KCNB2: variants seen among roughly 807,000 people sequenced by gnomAD.
KCNB2 encodes delayed rectifier potassium channel protein.
A neutral mutation model predicts 61.5 loss-of-function variants in KCNB2; 15 were observed. That is an observed-to-expected ratio of 0.24 (90% CI 0.16 to 0.38). KCNB2 has a LOEUF of 0.38. KCNB2 is among the 10% of genes least tolerant of loss of function. The pLI, the probability that KCNB2 is intolerant of heterozygous loss-of-function variation, is 1.00. For synonymous variants in KCNB2, 457 were observed against 446.0 expected (o/e 1.02, Z -0.31); for missense variants, 828 against 1,125.2 (o/e 0.74, Z 3.78).
chr8:72,866,876 G>A (rs1805530102), intron 2 of KCNB2, among the ~76,000 whole-genome samples: 1 of 152,170 alleles, frequency 6.6e-6, no homozygotes, highest in Admixed American at 6.5e-5. Flanking sequence ...AGGTGGAAGT[G>A]TCAGCCTCTC....
intron 2 of KCNB2, among the ~76,000 whole-genome samples, chr8:72,931,845 G>A (rs186074320): frequency 2.4e-4 from 36 of 152,050 alleles, no homozygotes; most frequent in African/African-American, 6.5e-4. Flanking sequence ...AAACGCTGTC[G>A]CTACTAAAAA....
intron 2 of KCNB2, among the ~76,000 whole-genome samples, chr8:72,689,830 A>G (rs1806912541): frequency 1.3e-5 from 2 of 152,088 alleles, no homozygotes; most frequent in Non-Finnish European, 2.9e-5. Flanking sequence ...TTTTTGTGCT[A>G]AGAACTTTGG....
intron 2 of KCNB2, among the ~76,000 whole-genome samples, chr8:72,733,543 A>T (rs1047940304): frequency 6.6e-6 from 1 of 152,176 alleles, no homozygotes; most frequent in African/African-American, 2.4e-5. Flanking sequence ...TCATTTCCTC[A>T]TCTGTAAAGC....
intron 1 of KCNB2, among the ~76,000 whole-genome samples, chr8:72,567,190 A>G (rs567500450): frequency 6.6e-6 from 1 of 152,018 alleles, no homozygotes; most frequent in South Asian, 2.1e-4. Flanking sequence ...GTGTGGTGGC[A>G]CGTCCCAGGT....
At chr8:72,658,770 G>A (rs1302725477) in intron 2 of KCNB2, among the ~76,000 whole-genome samples, 4 of 152,202 alleles carry the variant, frequency 2.6e-5, no homozygotes, top group African/African-American at 7.2e-5. Context: ...CTTTAAGCAT[G>A]ATGCTAAATC....
intron 2 of KCNB2, among the ~76,000 whole-genome samples, chr8:72,600,072 A>T (rs558058296): frequency 6.6e-6 from 1 of 152,356 alleles, no homozygotes; most frequent in South Asian, 2.1e-4. Flanking sequence ...ATACCATTTG[A>T]CCCAGCCATC....
intron 2 of KCNB2, among the ~76,000 whole-genome samples, chr8:72,912,237 C>T (rs1234173851): frequency 6.6e-6 from 1 of 152,110 alleles, no homozygotes; most frequent in African/African-American, 2.4e-5. Flanking sequence ...CCCAACTCCA[C>T]ATGGAAAGGG....
chr8:72,572,331 C>G (rs1806722583), intron 2 of KCNB2, among the ~76,000 whole-genome samples: 1 of 152,184 alleles, frequency 6.6e-6, no homozygotes, highest in South Asian at 2.1e-4. Context: ...AGAACATAAG[C>G]AGCCCTTATT....
chr8:72,565,902 G>A (rs1217923994), intron 1 of KCNB2, among the ~76,000 whole-genome samples: 1 of 152,170 alleles, frequency 6.6e-6, no homozygotes, highest in Non-Finnish European at 1.5e-5. Flanking sequence ...TGTAATAATA[G>A]AGAAGATGTT....
At chr8:72,635,960 G>A (rs796385347) in intron 2 of KCNB2, among the ~76,000 whole-genome samples, 5 of 152,236 alleles carry the variant, frequency 3.3e-5, no homozygotes, top group African/African-American at 1.2e-4. Flanking sequence ...TTTCCTCATC[G>A]ACACATTGGG....
chr8:72,576,837 CA>C (rs1470345377), intron 2 of KCNB2, among the ~76,000 whole-genome samples: 4 of 152,224 alleles, frequency 2.6e-5, no homozygotes, highest in Admixed American at 1.3e-4. Flanking sequence ...AGGCTTAACA[CA>C]AACATAATGA....
rs1463589585 is a variant in KCNB2, at chr8:72,936,658, A to T, written c.1303A>T (p.Lys435Ter). ...KEQKRQEKAIKRREALERAKR... is the reference protein window; with the variant it reads ...KEQKRQEKAI ...GCAGAAACGCCAAGAGAAAGCAATT[A>T]AAAGGAGGGAGGCTCTTGAGCGGGC... is the stretch of plus-strand genomic sequence containing the variant. Residue 435 changes from lysine to a stop codon, truncating the protein, a stop_gained, in exon 3 of 3, where the codon AAA (lysine) becomes TAA (stop). Transcript: ENST00000523207. LOFTEE classifies it high-confidence loss of function. This position sits in a 1 kb window ranked among gnomAD's most constrained non-coding sequence, Gnocchi z 5.6. 6.2e-7 allele frequency: 1 copy of T among 1,614,070 alleles called. No homozygotes were observed. Among genetic ancestry groups the T allele is most frequent in the Non-Finnish European group, 8.5e-7 (1 of 1,180,030 alleles).
At chr8:72,689,316 T>C (rs2128989889) in intron 2 of KCNB2, among the ~76,000 whole-genome samples, 1 of 152,282 alleles carries the variant, frequency 6.6e-6, no homozygotes, top group African/African-American at 2.4e-5. Context: ...AAGCAATAAA[T>C]GTAGTACATT....
chr8:72,902,165 G>T (rs932655562), intron 2 of KCNB2, among the ~76,000 whole-genome samples: 4 of 152,142 alleles, frequency 2.6e-5, no homozygotes, highest in Non-Finnish European at 4.4e-5. Context: ...TCTATGGCAA[G>T]GTGGGGGTGG....
chr8:72,800,910 T>A (rs1244056625), intron 2 of KCNB2, among the ~76,000 whole-genome samples: 2 of 152,146 alleles, frequency 1.3e-5, no homozygotes. Context: ...TCCCCATAGG[T>A]GCAGAGTCTT....
chr8:72,596,098 A>G (rs965346285), intron 2 of KCNB2, among the ~76,000 whole-genome samples: 1 of 152,224 alleles, frequency 6.6e-6, no homozygotes. Flanking sequence ...TGTTCATGTA[A>G]CCTTCACAGC....
intron 2 of KCNB2, among the ~76,000 whole-genome samples, chr8:72,827,985 G>A (rs1482626234): frequency 2.0e-5 from 3 of 151,972 alleles, no homozygotes; most frequent in Non-Finnish European, 4.4e-5. Flanking sequence ...GCTAATTTTT[G>A]TATTTTTAGT....
At chr8:72,889,957 G>A (rs528767232) in intron 2 of KCNB2, among the ~76,000 whole-genome samples, 30 of 152,166 alleles carry the variant, frequency 2.0e-4, no homozygotes, top group Non-Finnish European at 3.5e-4. Context: ...GGCTTCATCA[G>A]GCTGGTCTTG....
rs1808627139 is a variant in KCNB2, at chr8:72,775,145, G to A, written c.580-160790G>A. ...GCCTCTGAGGCAGAGGAAGGACAGT[G>A]AGACCAGCTCTGCCCTTCCGGTCAG... On this transcript the variant is annotated intron_variant, in intron 2 of 2. Transcript: ENST00000523207. 3.3e-5 allele frequency among the ~76,000 whole-genome samples: 5 copies of A among 152,148 alleles called. No individual in the cohort carries two copies. The South Asian group carries it at 1.0e-3, about 32-fold the overall frequency.
Sources: gnomAD v4.1 joint callset for allele counts (sites outside exome capture counted in the v4.1 genomes callset) on GRCh38, gnomAD v4.1.1 for gene constraint, Gnocchi (gnomAD v3.1) non-coding constraint, MANE v1.5 for transcripts, NCBI Gene and HGNC (gene_info 2026-07-23, HGNC 2026-07-21) for gene names.